The following SLC2A13 variants were observed in gnomAD, a reference collection of about 807,000 sequenced individuals.
SLC2A13 encodes the protein proton myo-inositol cotransporter.
In SLC2A13, 32 loss-of-function variants were observed where a neutral mutation model predicts 64.4. The observed-to-expected ratio is 0.50, with a 90% CI of 0.37 to 0.67. The LOEUF is 0.67. Ranked by LOEUF, SLC2A13 falls within the 30% of genes least tolerant of loss-of-function variation. The pLI is 0.00. For synonymous variants in SLC2A13, 338 were observed against 327.1 expected (o/e 1.03, Z -0.36); for missense variants, 743 against 829.2 (o/e 0.90, Z 1.28).
At chr12:40,003,796 A>G (rs1947360015) in intron 3 of SLC2A13, among the ~76,000 whole-genome samples, 3 of 152,070 alleles carry the variant, frequency 2.0e-5, no homozygotes, top group Non-Finnish European at 1.5e-5. Context: ...AAATGGGAGT[A>G]TTATTCCCTT....
chr12:40,102,989 G>A (rs1268368196), intron 1 of SLC2A13, among the ~76,000 whole-genome samples: 3 of 152,132 alleles, frequency 2.0e-5, no homozygotes, highest in East Asian at 3.9e-4. Context: ...AAATGAAGAG[G>A]GCTTTTACGA....
intron 4 of SLC2A13, among the ~76,000 whole-genome samples, chr12:39,877,009 TA>T (rs1424262014): frequency 6.6e-6 from 1 of 152,188 alleles, no homozygotes; most frequent in African/African-American, 2.4e-5. Context: ...TAAATATATA[TA>T]TTTTTTGGTA....
At chr12:39,796,463 A>C (rs1333506952) in intron 7 of SLC2A13, among the ~76,000 whole-genome samples, 1 of 151,900 alleles carries the variant, frequency 6.6e-6, no homozygotes, top group African/African-American at 2.4e-5. Context: ...ACAAAAAAAG[A>C]AATGAGGTAT....
At chr12:40,002,241 T>C (rs535886679) in intron 3 of SLC2A13, among the ~76,000 whole-genome samples, 1 of 152,218 alleles carries the variant, frequency 6.6e-6, no homozygotes, top group Non-Finnish European at 1.5e-5. Context: ...GTCCTCATAA[T>C]TATCCTATAG....
intron 7 of SLC2A13, among the ~76,000 whole-genome samples, chr12:39,770,542 C>G (rs74090316): frequency 0.047 from 7,105 of 152,196 alleles, 582 homozygotes; most frequent in African/African-American, 0.16. Context: ...TTAGCGGGCA[C>G]TGGCATGGTC....
At chr12:39,891,515 T>C (rs12321244) in intron 4 of SLC2A13, among the ~76,000 whole-genome samples, 24 of 152,180 alleles carry the variant, frequency 1.6e-4, no homozygotes, top group African/African-American at 5.8e-4. Flanking sequence ...TTTACTCAAC[T>C]CTATTGTTTC....
At chr12:40,059,098 G>C (rs1948378014) in intron 1 of SLC2A13, among the ~76,000 whole-genome samples, 1 of 152,172 alleles carries the variant, frequency 6.6e-6, no homozygotes, top group Non-Finnish European at 1.5e-5. Context: ...CACTGACACA[G>C]CCAGAATAGA....
At chr12:39,814,872 C>T (rs1341738268) in intron 7 of SLC2A13, among the ~76,000 whole-genome samples, 6 of 151,928 alleles carry the variant, frequency 3.9e-5, no homozygotes, top group South Asian at 4.1e-4. Flanking sequence ...CATTATCAAT[C>T]GCTTTATCCT....
chr12:39,788,654 C>T (rs1409442089), intron 7 of SLC2A13: 1 of 152,162 alleles, frequency 6.6e-6, no homozygotes, highest in African/African-American at 2.4e-5. Flanking sequence ...ATGGACCAAT[C>T]ATGGCTTTCT....
intron 4 of SLC2A13, among the ~76,000 whole-genome samples, chr12:39,880,326 T>C (rs1944307785): frequency 6.6e-6 from 1 of 152,222 alleles, no homozygotes; most frequent in Admixed American, 6.5e-5. Context: ...TTACTCAAGA[T>C]ACAAACATCT....
At chr12:39,846,940 A>G (rs1261403785) in intron 6 of SLC2A13, among the ~76,000 whole-genome samples, 2 of 152,314 alleles carry the variant, frequency 1.3e-5, no homozygotes, top group South Asian at 2.1e-4. Context: ...GAAATCACTC[A>G]TTTGTTCAGA....
chr12:39,873,559 C>G (rs1944110879), intron 4 of SLC2A13, among the ~76,000 whole-genome samples: 1 of 152,122 alleles, frequency 6.6e-6, no homozygotes, highest in Admixed American at 6.5e-5. Context: ...ATGTGTCATG[C>G]TACTAAGTTT....
chr12:39,845,375 C>G (rs903832308), intron 6 of SLC2A13, among the ~76,000 whole-genome samples: 1 of 152,062 alleles, frequency 6.6e-6, no homozygotes. Flanking sequence ...ATCTGTTTTA[C>G]ATTTTTTGTC....
Position 39,895,859 on chromosome 12 carries a change from TGTATATGC to T in SLC2A13, c.1035-23906_1035-23899del, listed in dbSNP as rs1172999561. On this transcript the variant is annotated intron_variant, in intron 4 of 9. Transcript: ENST00000280871. ...ATATGCACACACATATGTATATGCG[TGTATATGC>T]ACACACATATGTATATGCGTGTATA... Among the ~76,000 whole-genome samples the T allele has an allele frequency of 3.1e-4, 45 of 143,054 alleles. 12 individuals are homozygous for T. Among genetic ancestry groups the T allele is most frequent in the South Asian group, 1.1e-3 (5 of 4,416 alleles). 93.8% of individuals were successfully genotyped at this position (143,054 alleles called of 152,430 possible). A position where few individuals can be genotyped will look rare whatever the true frequency, so the allele number is the denominator to read the frequency against.
intron 3 of SLC2A13, among the ~76,000 whole-genome samples, chr12:40,012,127 G>T (rs1947541497): frequency 6.6e-6 from 1 of 152,104 alleles, no homozygotes; most frequent in South Asian, 2.1e-4. Flanking sequence ...CTTATACTTA[G>T]CAAGAAATAT....
In SLC2A13 at chr12:40,105,855, G is replaced by A. The variant is rs1232817256; in HGVS notation, c.-47C>T. On this transcript the variant is annotated 5_prime_UTR_variant, in exon 1 of 10. Coordinates refer to ENST00000280871, the MANE Select transcript of SLC2A13 (RefSeq NM_052885.4). The surrounding 1 kb of genome is among the most constrained non-coding windows in gnomAD (Gnocchi z 4.2). ...CCGGGGGGACGCGGCTCCGCGGGCC[G>A]GCAGTCTCGGCGAGCTAGACAGCCC... 2.2e-6 allele frequency: 3 copies of A among 1,344,764 alleles called. No individual in the cohort carries two copies. Among genetic ancestry groups the A allele is most frequent in the African/African-American group, 1.5e-5 (1 of 65,322 alleles). The allele number at this position is 1,344,764 out of a possible 1,614,324, so 83.3% of individuals were successfully genotyped here.
chr12:40,100,969 CAAAAAAAA>C (rs10633826), intron 1 of SLC2A13, among the ~76,000 whole-genome samples: 4 of 84,688 alleles, frequency 4.7e-5, no homozygotes, highest in Non-Finnish European at 6.2e-5. Context: ...CCATCTCAGA[CAAAAAAAA>C]AAAAAAAAAA....
chr12:39,958,099 A>G (rs752370397), intron 3 of SLC2A13, among the ~76,000 whole-genome samples: 2 of 152,238 alleles, frequency 1.3e-5, no homozygotes, highest in Non-Finnish European at 2.9e-5. Flanking sequence ...ATTTCAAAGT[A>G]AATCAAGATT....
chr12:40,104,210 T>C (rs778356490), intron 1 of SLC2A13, among the ~76,000 whole-genome samples: 2 of 152,156 alleles, frequency 1.3e-5, no homozygotes, highest in Non-Finnish European at 2.9e-5. Flanking sequence ...AAAAACTGAA[T>C]TATGAAACGA....
Sources: allele counts gnomAD v4.1 joint callset (sites outside exome capture counted in the v4.1 genomes callset), GRCh38; gene constraint gnomAD v4.1.1; non-coding constraint Gnocchi (gnomAD v3.1); transcripts MANE v1.5; gene names NCBI Gene and HGNC (gene_info 2026-07-23, HGNC 2026-07-21).